CAMTA1: variants seen among roughly 807,000 people sequenced by gnomAD.
CAMTA1 encodes calmodulin binding transcription activator 1.
A neutral mutation model predicts 170.9 loss-of-function variants in CAMTA1; 27 were observed. That is an observed-to-expected ratio of 0.16 (90% CI 0.12 to 0.22). The LOEUF (loss-of-function observed/expected upper bound fraction) is 0.22, where lower values mean the gene tolerates loss of function less well. Among genes scored for constraint, CAMTA1 ranks in the 10% least tolerant of loss-of-function variants. The pLI is 1.00. For synonymous variants in CAMTA1, 833 were observed against 891.5 expected (o/e 0.93, Z 1.17); for missense variants, 1,619 against 2,217.2 (o/e 0.73, Z 5.42).
At chr1:7,604,879 T>C (rs1032796139) in intron 6 of CAMTA1, among the ~76,000 whole-genome samples, 8 of 152,214 alleles carry the variant, frequency 5.3e-5, no homozygotes, top group Non-Finnish European at 1.0e-4. Context: ...CGTTTCTGTT[T>C]GTTAGTTTTC....
chr1:7,705,245 A>AG (rs964343670), intron 11 of CAMTA1, among the ~76,000 whole-genome samples: 11 of 143,370 alleles, frequency 7.7e-5, no homozygotes, highest in Non-Finnish European at 1.4e-4. Flanking sequence ...GGCTGCAGGG[A>AG]GGGGTGCGTT....
At chr1:7,120,257 C>T (rs974256423) in intron 4 of CAMTA1, among the ~76,000 whole-genome samples, 3 of 152,326 alleles carry the variant, frequency 2.0e-5, no homozygotes, top group Middle Eastern at 3.4e-3. Context: ...TTCTCTGCTT[C>T]AATGTCCCTC....
In CAMTA1 at chr1:7,177,606, T is replaced by C. The variant is rs556112265; in HGVS notation, c.303-71885T>C. On this transcript the variant is annotated intron_variant, in intron 4 of 22. Transcript: ENST00000303635. Reference sequence around the variant, plus strand: ...TCTCCCCATACCGAGGCCCCTCCCATACACTGAGACTCCTCCCACACACTG... The same window carrying C: ...TCTCCCCATACCGAGGCCCCTCCCACACACTGAGACTCCTCCCACACACTG... Among the ~76,000 whole-genome samples the C allele has an allele frequency of 1.5e-4, 18 of 119,840 alleles. No individual in the cohort carries two copies. The East Asian group carries it at 4.7e-3, about 31-fold the overall frequency. The allele number at this position is 119,840 out of a possible 152,430, so 78.6% of individuals were successfully genotyped here. A position where few individuals can be genotyped will look rare whatever the true frequency, so the allele number is the denominator to read the frequency against.
chr1:7,002,220 C>T (rs1040316833), intron 3 of CAMTA1, among the ~76,000 whole-genome samples: 1 of 152,132 alleles, frequency 6.6e-6, no homozygotes, highest in Admixed American at 6.6e-5. Flanking sequence ...AATAGATTCT[C>T]CCCTGTTCTG....
intron 3 of CAMTA1, among the ~76,000 whole-genome samples, chr1:7,011,862 A>G (rs1488036741): frequency 1.3e-5 from 2 of 151,780 alleles, no homozygotes; most frequent in Non-Finnish European, 2.9e-5. Context: ...TAGTTCCGAT[A>G]CCTCCAAATT....
At chr1:7,663,311 T>A in intron 8 of CAMTA1, 42 bp from the exon 9 acceptor site, 1 of 1,513,814 alleles carries the variant, frequency 6.6e-7, no homozygotes, top group Non-Finnish European at 8.9e-7. Context: ...TGCACATGTG[T>A]GCCTGCGTGT....
chr1:7,513,828 G>A (rs758590248), intron 6 of CAMTA1, among the ~76,000 whole-genome samples: 13 of 152,082 alleles, frequency 8.5e-5, no homozygotes, highest in African/African-American at 1.2e-4. Flanking sequence ...AGGCCGAGGC[G>A]GGAGAATCAC....
chr1:7,597,818 T>G (rs1425989957), intron 6 of CAMTA1, among the ~76,000 whole-genome samples: 3 of 152,164 alleles, frequency 2.0e-5, no homozygotes, highest in Middle Eastern at 3.2e-3. Flanking sequence ...TTAAATATAT[T>G]TTTTAAATTT....
intron 5 of CAMTA1, among the ~76,000 whole-genome samples, chr1:7,255,782 A>G (rs1667278635): frequency 6.6e-6 from 1 of 152,210 alleles, no homozygotes; most frequent in African/African-American, 2.4e-5. Flanking sequence ...TTGCCCAGTG[A>G]CTAACTGCTT....
chr1:7,204,961 C>T (rs1304628160), intron 4 of CAMTA1, among the ~76,000 whole-genome samples: 1 of 150,940 alleles, frequency 6.6e-6, no homozygotes, highest in African/African-American at 2.4e-5. Flanking sequence ...TCCCAAGTAG[C>T]TGGGACTACA....
intron 5 of CAMTA1, among the ~76,000 whole-genome samples, chr1:7,411,498 C>T (rs2149261553): frequency 7.8e-6 from 1 of 128,636 alleles, no homozygotes; most frequent in African/African-American, 3.0e-5. Context: ...GAGATTGCAC[C>T]ACTGCACTCC....
intron 4 of CAMTA1, among the ~76,000 whole-genome samples, chr1:7,171,662 G>A (rs1343472073): frequency 1.3e-5 from 2 of 152,146 alleles, no homozygotes; most frequent in Non-Finnish European, 2.9e-5. Flanking sequence ...CAATTCAGTG[G>A]CATTTAGCAC....
At chr1:6,929,926 A>G (rs1330254829) in intron 3 of CAMTA1, among the ~76,000 whole-genome samples, 3 of 151,922 alleles carry the variant, frequency 2.0e-5, no homozygotes, top group East Asian at 3.9e-4. Context: ...GAGGTGCTGC[A>G]TTTGCCCTCG....
intron 5 of CAMTA1, among the ~76,000 whole-genome samples, chr1:7,387,104 A>G (rs763401111): frequency 1.3e-5 from 2 of 151,644 alleles, no homozygotes; most frequent in Non-Finnish European, 2.9e-5. Flanking sequence ...TCTGGGTGGA[A>G]CTCACCCATT....
intron 6 of CAMTA1, among the ~76,000 whole-genome samples, chr1:7,618,089 TG>T (rs2095571912): frequency 6.6e-6 from 1 of 152,178 alleles, no homozygotes; most frequent in Non-Finnish European, 1.5e-5. Context: ...GCAGGTTCCT[TG>T]GGGGCCATCA....
rs1226928982 is a variant in CAMTA1 at position 7,173,893 on chromosome 1, T to C, written c.303-75598T>C. The stretch of plus-strand genomic sequence containing the variant: ...TGGAACCCAGGGGACCCACAGGGAC[T>C]CAACAGGACCCAGCAGGTACCAACA... On this transcript the variant is annotated intron_variant, in intron 4 of 22. Coordinates refer to ENST00000303635, the MANE Select transcript of CAMTA1 (RefSeq NM_015215.4). The surrounding 1 kb of genome is among the most constrained non-coding windows in gnomAD (Gnocchi z 5.4). Among the ~76,000 whole-genome samples the C allele has an allele frequency of 6.6e-6, 1 of 151,890 alleles. No homozygotes were observed. The highest frequency in any genetic ancestry group is 1.9e-4 in the East Asian group (1 of 5,180).
intron 3 of CAMTA1, among the ~76,000 whole-genome samples, chr1:6,845,269 A>C (rs1181196628): frequency 4.6e-5 from 7 of 152,210 alleles, no homozygotes; most frequent in Non-Finnish European, 1.5e-5. Context: ...CAAGGCCGGC[A>C]GTTGGGGGAA....
chr1:7,496,310 C>G (rs993800071), intron 6 of CAMTA1, among the ~76,000 whole-genome samples: 2 of 152,184 alleles, frequency 1.3e-5, no homozygotes, highest in Non-Finnish European at 2.9e-5. Context: ...GGCACGTGAG[C>G]TCGTGACTTT....
chr1:7,284,177 C>CTTCTTCTTCTTCTTCTTCTTCTTA (rs1333698169), intron 5 of CAMTA1, among the ~76,000 whole-genome samples: 2 of 99,308 alleles, frequency 2.0e-5, no homozygotes, highest in African/African-American at 4.0e-5. Context: ...TCTTCTTCTT[C>CTTCTTCTTCTTCTTCTTCTTCTTA]TTATTATTAT....
Sources: gnomAD v4.1 joint callset for allele counts (sites outside exome capture counted in the v4.1 genomes callset) on GRCh38, gnomAD v4.1.1 for gene constraint, Gnocchi (gnomAD v3.1) non-coding constraint, MANE v1.5 for transcripts, NCBI Gene and HGNC (gene_info 2026-07-23, HGNC 2026-07-21) for gene names.